The following PDE1A variants were observed in gnomAD, a reference collection of about 807,000 sequenced individuals.
PDE1A encodes the protein dual specificity calcium/calmodulin-dependent 3',5'-cyclic nucleotide phosphodiesterase 1A.
PDE1A carries 35 observed loss-of-function variants against 61.7 expected under a neutral mutation model. That is an observed-to-expected ratio of 0.57 (90% CI 0.43 to 0.75). The LOEUF is 0.75. PDE1A is among the 30% of genes least tolerant of loss of function. The pLI is 0.00. For missense variants in PDE1A, 597 were observed against 630.6 expected, an observed-to-expected ratio of 0.95 and a Z score of 0.57; for synonymous variants, 232 against 213.2, an observed-to-expected ratio of 1.09 and a Z score of -0.77.
At chr2:182,206,592 A>AT (rs1007876553) in intron 7 of PDE1A, among the ~76,000 whole-genome samples, 10 of 151,996 alleles carry the variant, frequency 6.6e-5, no homozygotes, top group African/African-American at 1.9e-4. Context: ...GCAACCACTG[A>AT]TTTTTTTCAC....
chr2:182,274,726 A>G (rs909187646), intron 1 of PDE1A, among the ~76,000 whole-genome samples: 1 of 152,120 alleles, frequency 6.6e-6, no homozygotes, highest in Non-Finnish European at 1.5e-5. Flanking sequence ...GTATGTATGA[A>G]TACCTAAGTT....
the PDE1A span, among the ~76,000 whole-genome samples, chr2:182,671,361 T>TTTTTTTTTTTCTTTTTTTC: frequency 8.8e-6 from 1 of 114,206 alleles, no homozygotes; most frequent in Non-Finnish European, 1.8e-5. Context: ...TTTTTTTTTT[T>TTTTTTTTTTTCTTTTTTTC]GTATTTTTAG....
At chr2:182,542,635 A>G in the PDE1A span, among the ~76,000 whole-genome samples, 1 of 152,320 alleles carries the variant, frequency 6.6e-6, no homozygotes, top group East Asian at 1.9e-4. Flanking sequence ...TTAGGCAATA[A>G]AATAGTAATG....
intron 1 of PDE1A, among the ~76,000 whole-genome samples, chr2:182,360,175 C>T (rs949262186): frequency 4.6e-5 from 7 of 152,074 alleles, no homozygotes; most frequent in Non-Finnish European, 8.8e-5. Context: ...CTGGAGAAGA[C>T]GTGATGAATT....
At chr2:182,206,999 G>C (rs1314108294) in intron 7 of PDE1A, among the ~76,000 whole-genome samples, 3 of 152,288 alleles carry the variant, frequency 2.0e-5, no homozygotes, top group Admixed American at 6.5e-5. Flanking sequence ...ATGTTACTGA[G>C]TCTCAGGTAG....
chr2:182,307,030 A>T (rs958768442), intron 1 of PDE1A, among the ~76,000 whole-genome samples: 2 of 152,226 alleles, frequency 1.3e-5, no homozygotes, highest in African/African-American at 2.4e-5. Context: ...ACTGGGAGAA[A>T]TATTTACAAG....
intron 1 of PDE1A, among the ~76,000 whole-genome samples, chr2:182,268,602 T>C (rs1692798364): frequency 6.6e-6 from 1 of 152,078 alleles, no homozygotes; most frequent in African/African-American, 2.4e-5. Flanking sequence ...TTGCTTCTTT[T>C]ATGCACACCC....
chr2:182,246,472 C>T (rs531064037), intron 2 of PDE1A, among the ~76,000 whole-genome samples: 158 of 139,538 alleles, frequency 1.1e-3, no homozygotes, highest in African/African-American at 3.4e-3. Flanking sequence ...GGCATGATCT[C>T]GGCTCACTGC....
chr2:182,299,265 G>A (rs1033617652), intron 1 of PDE1A, among the ~76,000 whole-genome samples: 13 of 151,416 alleles, frequency 8.6e-5, no homozygotes, highest in African/African-American at 3.2e-4. Flanking sequence ...GACATAATAT[G>A]TCCACAAACT....
intron 13 of PDE1A, among the ~76,000 whole-genome samples, chr2:182,176,863 A>G (rs371958862): frequency 6.6e-6 from 1 of 150,608 alleles, no homozygotes; most frequent in Non-Finnish European, 1.5e-5. Context: ...ACGTCCCATC[A>G]ATACCTAATT....
At position 182,377,157 on chromosome 2, in the gene PDE1A, C is replaced by T. The variant is rs145286177; in HGVS notation, c.53+49421G>A. Among the ~76,000 whole-genome samples, 20 of 152,214 alleles carry T rather than the reference C, an allele frequency of 1.3e-4. 1 individual carries two copies. Among genetic ancestry groups the T allele is most frequent in the Admixed American group, 1.1e-3 (17 of 15,286 alleles). ...ATTTGTCCCTGCCCAAATCTCATGT[C>T]GAATTGTAATCCCCAATGCTGGAAG... On this transcript the variant is annotated intron_variant, in intron 1 of 13. Transcript: ENST00000351439.
intron 1 of PDE1A, among the ~76,000 whole-genome samples, chr2:182,375,098 T>TG (rs1700321924): frequency 6.6e-6 from 1 of 152,216 alleles, no homozygotes. Flanking sequence ...ATGGGAATTA[T>TG]GGGAGTACAA....
At chr2:182,278,862 C>CT in intron 1 of PDE1A, among the ~76,000 whole-genome samples, 1 of 152,018 alleles carries the variant, frequency 6.6e-6, no homozygotes, top group South Asian at 2.1e-4. Context: ...CAATTTTTAA[C>CT]TTTTTAAAGT....
intron 2 of PDE1A, among the ~76,000 whole-genome samples, chr2:182,510,340 G>A (rs940160838): frequency 6.6e-6 from 1 of 152,122 alleles, no homozygotes; most frequent in African/African-American, 2.4e-5. Context: ...ATGTGGAATA[G>A]TGTGATTCTC....
rs183803319 is a variant in PDE1A at position 182,330,271 on chromosome 2, G to A, written c.54-65857C>T. Reference sequence around the variant, plus strand: ...AGGCAGGAGAATCACTTGAACCTGGGAGGTGGAGGTTGCAGTGAGCCAAGA... The same window carrying A: ...AGGCAGGAGAATCACTTGAACCTGGAAGGTGGAGGTTGCAGTGAGCCAAGA... On this transcript the variant is annotated intron_variant, in intron 1 of 13. Transcript: ENST00000351439. 2.9e-3 allele frequency among the ~76,000 whole-genome samples: 441 copies of A among 152,012 alleles called. 5 individuals carry two copies. The South Asian group carries it at 0.033, about 11-fold the overall frequency.
intron 1 of PDE1A, among the ~76,000 whole-genome samples, chr2:182,361,313 G>A (rs1219312307): frequency 1.3e-5 from 2 of 152,086 alleles, no homozygotes; most frequent in African/African-American, 4.8e-5. Context: ...TCCATACTGT[G>A]AGGATTAATA....
the PDE1A span, among the ~76,000 whole-genome samples, chr2:182,667,925 C>A: frequency 3.3e-5 from 5 of 152,056 alleles, no homozygotes; most frequent in African/African-American, 1.2e-4. Flanking sequence ...GATATAATAT[C>A]AAGGAAGTCC....
chr2:182,517,646 A>T (rs1690293397), intron 2 of PDE1A, among the ~76,000 whole-genome samples: 1 of 152,194 alleles, frequency 6.6e-6, no homozygotes, highest in Non-Finnish European at 1.5e-5. Flanking sequence ...GAAAATAAAA[A>T]ACTAATCTAG....
chr2:182,228,966 C>A (rs1027480632), intron 6 of PDE1A, among the ~76,000 whole-genome samples: 2 of 152,058 alleles, frequency 1.3e-5, no homozygotes, highest in African/African-American at 4.8e-5. Context: ...AGGAGTCATG[C>A]GAGGCTGGGC....
Sources: gnomAD v4.1 joint callset for allele counts (sites outside exome capture counted in the v4.1 genomes callset) on GRCh38, gnomAD v4.1.1 for gene constraint, MANE v1.5 for transcripts, NCBI Gene and HGNC (gene_info 2026-07-23, HGNC 2026-07-21) for gene names.